ASIC2: variants seen among roughly 807,000 people sequenced by gnomAD.
The protein encoded by ASIC2 is acid-sensing ion channel 2.
In ASIC2, 25 loss-of-function variants were observed where a neutral mutation model predicts 57.3. The ratio of observed to expected loss-of-function variants is 0.44; its 90% CI spans 0.32 to 0.61. The LOEUF is 0.61. Ranked by LOEUF, ASIC2 falls within the 20% of genes least tolerant of loss-of-function variation. ASIC2 has a pLI of 0.06. For missense variants in ASIC2, 641 were observed against 738.1 expected (o/e 0.87, Z 1.52); for synonymous variants, 319 against 307.5 (o/e 1.04, Z -0.39).
chr17:33,135,338 G>A (rs937461706), intron 1 of ASIC2, among the ~76,000 whole-genome samples: 2 of 152,186 alleles, frequency 1.3e-5, no homozygotes, highest in Non-Finnish European at 2.9e-5. Context: ...AAGAGGAAGT[G>A]GAAGCATCCC....
intron 1 of ASIC2, among the ~76,000 whole-genome samples, chr17:33,747,955 T>A (rs1453549177): frequency 2.0e-5 from 3 of 152,258 alleles, no homozygotes; most frequent in Admixed American, 2.0e-4. Flanking sequence ...TAACATGAGC[T>A]AGACATTCTG....
At chr17:33,514,920 C>A (rs959026372) in intron 1 of ASIC2, among the ~76,000 whole-genome samples, 4 of 152,206 alleles carry the variant, frequency 2.6e-5, no homozygotes, top group Non-Finnish European at 4.4e-5. Flanking sequence ...GGAAGCAGGA[C>A]CTCGGTCCTT....
intron 1 of ASIC2, among the ~76,000 whole-genome samples, chr17:33,265,736 G>C (rs368729169): frequency 1.4e-4 from 21 of 152,144 alleles, no homozygotes; most frequent in Admixed American, 5.9e-4. Context: ...CTTGGATTGG[G>C]TGTCTTCGCT....
chr17:33,515,939 A>G (rs1031387423), intron 1 of ASIC2, among the ~76,000 whole-genome samples: 1 of 152,114 alleles, frequency 6.6e-6, no homozygotes, highest in African/African-American at 2.4e-5. Flanking sequence ...CTAAAAAAAA[A>G]TACAAAAATT....
At chr17:33,891,532 A>C (rs1326714273) in intron 1 of ASIC2, among the ~76,000 whole-genome samples, 1 of 152,172 alleles carries the variant, frequency 6.6e-6, no homozygotes. Context: ...TGGCAGGATC[A>C]ACACTCAGGT....
intron 1 of ASIC2, among the ~76,000 whole-genome samples, chr17:33,540,049 CAACA>C (rs1397036673): frequency 7.2e-5 from 11 of 152,274 alleles, no homozygotes; most frequent in African/African-American, 2.4e-4. Flanking sequence ...GCACCTTCAA[CAACA>C]GACAGGGATT....
Position 33,948,328 on chromosome 17 carries a change from T to C in ASIC2, c.555+207650A>G, listed in dbSNP as rs184300947. ...AGAGCTCCAGAGAGACTGGCTGGAG[T>C]GTGGGGATCCAGGCTCCCGCAGGAG... is the stretch of plus-strand genomic sequence containing the variant. On this transcript the variant is annotated intron_variant, in intron 1 of 9. Transcript: ENST00000359872. Among the ~76,000 whole-genome samples the C allele has an allele frequency of 4.2e-3, 643 of 152,148 alleles. 7 individuals carry two copies. Among genetic ancestry groups the C allele is most frequent in the African/African-American group, 0.015 (616 of 41,486 alleles).
intron 1 of ASIC2, among the ~76,000 whole-genome samples, chr17:33,991,069 T>C (rs1306795906): frequency 2.6e-5 from 4 of 152,198 alleles, no homozygotes; most frequent in Admixed American, 6.5e-5. Context: ...GGGTTGTAGA[T>C]GAAGTAGTTA....
At chr17:33,942,630 C>G (rs1268856105) in intron 1 of ASIC2, among the ~76,000 whole-genome samples, 1 of 152,150 alleles carries the variant, frequency 6.6e-6, no homozygotes, top group Non-Finnish European at 1.5e-5. Context: ...CAGTGATAAT[C>G]ACTATGGAAA....
At chr17:33,467,179 G>T (rs189283161) in intron 1 of ASIC2, among the ~76,000 whole-genome samples, 2 of 152,168 alleles carry the variant, frequency 1.3e-5, no homozygotes, top group African/African-American at 4.8e-5. Context: ...GAGCTCAAGC[G>T]ATTTGCCTGC....
intron 1 of ASIC2, among the ~76,000 whole-genome samples, chr17:33,957,269 G>A (rs1041687826): frequency 7.9e-5 from 12 of 152,168 alleles, no homozygotes; most frequent in Non-Finnish European, 1.0e-4. Context: ...GCACAAAGGC[G>A]TAGAAGAGAA....
At chr17:33,613,369 C>CTT (rs546720725) in intron 1 of ASIC2, among the ~76,000 whole-genome samples, 9 of 126,848 alleles carry the variant, frequency 7.1e-5, no homozygotes, top group African/African-American at 1.8e-4. Flanking sequence ...AATGTGTATT[C>CTT]TTTTTTTTTT....
intron 1 of ASIC2, among the ~76,000 whole-genome samples, chr17:34,087,809 C>T (rs1408076200): frequency 1.3e-5 from 2 of 152,124 alleles, no homozygotes; most frequent in Admixed American, 6.5e-5. Context: ...ATCACTGATA[C>T]CCTTTCTTCC....
At chr17:33,317,792 A>G (rs1239852054) in intron 1 of ASIC2, among the ~76,000 whole-genome samples, 2 of 152,184 alleles carry the variant, frequency 1.3e-5, no homozygotes, top group Non-Finnish European at 2.9e-5. Context: ...AGAAAAACAC[A>G]GCTGACTAGG....
At chr17:33,695,424 G>GT (rs1555552576) in intron 1 of ASIC2, among the ~76,000 whole-genome samples, 4 of 152,000 alleles carry the variant, frequency 2.6e-5, no homozygotes, top group Non-Finnish European at 4.4e-5. Context: ...GCTTTCTGTA[G>GT]TTTTTTTAAA....
intron 1 of ASIC2, among the ~76,000 whole-genome samples, chr17:33,126,109 T>C (rs2092322131): frequency 1.3e-5 from 2 of 152,198 alleles, no homozygotes; most frequent in South Asian, 4.1e-4. Context: ...ACTTGCAAAA[T>C]AGACACTATT....
intron 1 of ASIC2, among the ~76,000 whole-genome samples, chr17:33,536,075 T>C (rs1308898197): frequency 6.6e-6 from 1 of 152,230 alleles, no homozygotes; most frequent in African/African-American, 2.4e-5. Flanking sequence ...AATGTTCTCC[T>C]TATTCCCTAG....
intron 1 of ASIC2, among the ~76,000 whole-genome samples, chr17:34,013,709 T>C (rs372465002): frequency 4.6e-5 from 7 of 152,240 alleles, no homozygotes; most frequent in East Asian, 3.9e-4. Context: ...CCAGGCCACA[T>C]TGCTAAAGGG....
At chr17:33,489,175 C>T (rs1246563500) in intron 1 of ASIC2, among the ~76,000 whole-genome samples, 1 of 152,160 alleles carries the variant, frequency 6.6e-6, no homozygotes, top group African/African-American at 2.4e-5. Context: ...TGGCATGGCC[C>T]TATCACTCTG....
Sources: gnomAD v4.1 joint callset for allele counts (sites outside exome capture counted in the v4.1 genomes callset) on GRCh38, gnomAD v4.1.1 for gene constraint, MANE v1.5 for transcripts, NCBI Gene and HGNC (gene_info 2026-07-23, HGNC 2026-07-21) for gene names.